Variants in AXDND1 observed in about 807,000 individuals in gnomAD.
AXDND1 encodes the protein axonemal dynein light chain domain containing 1.
In AXDND1, 110 loss-of-function variants were observed where a neutral mutation model predicts 137.5. That is an observed-to-expected ratio of 0.80 (90% confidence interval 0.69 to 0.94). The LOEUF (loss-of-function observed/expected upper bound fraction) is 0.94, where lower values mean the gene tolerates loss of function less well. Among genes scored for constraint, AXDND1 ranks in the 40% least tolerant of loss-of-function variants. AXDND1 has a pLI of 0.00. For missense variants in AXDND1, 1,191 were observed against 1,169.8 expected (o/e 1.02, Z -0.26); for synonymous variants, 414 against 399.7 (o/e 1.04, Z -0.43).
At chr1:179,447,905 T>G (rs752052416) in intron 16 of AXDND1, 1 of 1,365,988 alleles carries the variant, frequency 7.3e-7, no homozygotes, top group Non-Finnish European at 1.0e-6. Flanking sequence ...CTATGTAATA[T>G]GGTTTGAGGT....
intron 25 of AXDND1, chr1:179,552,207 G>A: frequency 3.9e-6 from 1 of 256,200 alleles, no homozygotes; most frequent in Non-Finnish European, 7.7e-6. Flanking sequence ...CCTGATCGTG[G>A]TTGTCCCTCT....
chr1:179,474,251 GT>G (rs894011635), intron 17 of AXDND1, among the ~76,000 whole-genome samples: 1 of 151,792 alleles, frequency 6.6e-6, no homozygotes, highest in Admixed American at 6.6e-5. Flanking sequence ...GTCTTGGGTA[GT>G]TTTTTTATAG....
At chr1:179,504,695 G>A (rs866828372) in intron 20 of AXDND1, among the ~76,000 whole-genome samples, 16 of 152,088 alleles carry the variant, frequency 1.1e-4, no homozygotes, top group Middle Eastern at 6.8e-3. Flanking sequence ...CTGACTGGAT[G>A]CCCATAACCT....
At position 179,491,541 on chromosome 1, in the gene AXDND1, G is replaced by A. The variant is rs778716593; in HGVS notation, c.2095G>A (p.Asp699Asn). 2 of 1,588,500 alleles carry A rather than the reference G, an allele frequency of 1.3e-6. No individual in the cohort carries two copies. Among genetic ancestry groups the A allele is most frequent in the Middle Eastern group, 1.7e-4 (1 of 6,034 alleles). ...NGNIELQHHM[D>N]ELHISMIQWM... ...TATTATACTCATTTTTTAACAGATG[G>A]ATGAGTTACATATATCTATGATCCA... Residue 699 changes from aspartate (D) to asparagine (N), a missense_variant, in exon 19 of 26, where the codon GAT becomes AAT. By Grantham distance (23) the Asp-to-Asn change is conservative. Coordinates refer to ENST00000367618, the MANE Select transcript of AXDND1 (RefSeq NM_144696.6).
intron 12 of AXDND1, among the ~76,000 whole-genome samples, chr1:179,412,403 G>A (rs944881881): frequency 2.6e-5 from 4 of 152,088 alleles, no homozygotes; most frequent in Admixed American, 6.5e-5. Context: ...AGGTCACAGC[G>A]TTCTCCATGG....
intron 11 of AXDND1, among the ~76,000 whole-genome samples, chr1:179,407,512 AC>A (rs762278764): frequency 9.9e-5 from 15 of 152,174 alleles, no homozygotes; most frequent in Non-Finnish European, 2.1e-4. Flanking sequence ...GGCGTGAAAC[AC>A]TGTGCCTGGC....
At chr1:179,402,835 C>T (rs1652315074) in intron 11 of AXDND1, among the ~76,000 whole-genome samples, 1 of 152,178 alleles carries the variant, frequency 6.6e-6, no homozygotes. Context: ...GTGTCTCATC[C>T]TTACCATGCC....
chr1:179,370,014 C>T lies in AXDND1; in HGVS notation c.310C>T (p.Pro104Ser). 6.2e-7 allele frequency: 1 copy of T among 1,614,036 alleles called. No homozygotes were observed. Among genetic ancestry groups the T allele is most frequent in the Non-Finnish European group, 8.5e-7 (1 of 1,179,964 alleles). Residue 104 changes from proline to serine, a missense_variant, in exon 4 of 26, where the codon CCT (proline) becomes TCT (serine). Transcript: ENST00000367618. ...PRLVDHVWHHPVRRNKFKYLI... is the reference protein window; with the variant it reads ...PRLVDHVWHHSVRRNKFKYLI... ...CCTTGTAGACCATGTCTGGCATCAC[C>T]CTGTTCGAAGGAATAAATTCAAATA...
intron 21 of AXDND1, among the ~76,000 whole-genome samples, chr1:179,514,581 A>G (rs556858211): frequency 1.3e-5 from 2 of 152,178 alleles, no homozygotes; most frequent in Non-Finnish European, 2.9e-5. Context: ...TGCTAAGTCC[A>G]TTTGTTCCAA....
chr1:179,548,344 G>A (rs541810683), intron 25 of AXDND1, among the ~76,000 whole-genome samples: 35 of 152,258 alleles, frequency 2.3e-4, no homozygotes, highest in Non-Finnish European at 3.8e-4. Flanking sequence ...CTGTGAGGTG[G>A]ATCCTACTTT....
At chr1:179,551,274 A>G in intron 25 of AXDND1, 1 of 1,614,106 alleles carries the variant, frequency 6.2e-7, no homozygotes, top group Admixed American at 1.7e-5. Flanking sequence ...CTGGGAGAAG[A>G]CAGGCAATTC....
intron 12 of AXDND1, among the ~76,000 whole-genome samples, chr1:179,412,283 C>T (rs1048648285): frequency 6.6e-6 from 1 of 152,100 alleles, no homozygotes; most frequent in African/African-American, 2.4e-5. Flanking sequence ...AAAATATTTA[C>T]TTGTTGGTTG....
intron 15 of AXDND1, among the ~76,000 whole-genome samples, chr1:179,441,641 A>G (rs1396898559): frequency 1.3e-5 from 2 of 152,198 alleles, no homozygotes; most frequent in African/African-American, 2.4e-5. Context: ...TGACACTTAC[A>G]TGTATGTAAA....
chr1:179,468,019 C>T (rs1281228408), intron 16 of AXDND1, among the ~76,000 whole-genome samples: 1 of 152,130 alleles, frequency 6.6e-6, no homozygotes, highest in East Asian at 1.9e-4. Context: ...TAAAAAATGA[C>T]TCAAGAACTA....
chr1:179,445,600 T>A (rs1659627981), intron 16 of AXDND1, among the ~76,000 whole-genome samples: 1 of 152,286 alleles, frequency 6.6e-6, no homozygotes, highest in Middle Eastern at 3.4e-3. Flanking sequence ...TGTGAATGAA[T>A]TCATGTTCTG....
intron 11 of AXDND1, among the ~76,000 whole-genome samples, chr1:179,407,418 G>T (rs537639526): frequency 1.8e-4 from 28 of 152,072 alleles, no homozygotes; most frequent in African/African-American, 6.8e-4. Context: ...GTAGAGACGA[G>T]GTTTCACCAT....
chr1:179,378,714 C>T lies in AXDND1; in HGVS notation c.452C>T (p.Ala151Val). 1 of 1,594,552 alleles carries T rather than the reference C, an allele frequency of 6.3e-7. No homozygotes were observed. The highest frequency in any genetic ancestry group is 8.6e-7 in the Non-Finnish European group (1 of 1,169,018). Residue 151 changes from alanine to valine, a missense_variant, in exon 5 of 26, where the codon GCC (alanine) becomes GTC (valine). By Grantham distance (64) the Ala-to-Val change is moderately conservative. Coordinates refer to ENST00000367618, the MANE Select transcript of AXDND1 (RefSeq NM_144696.6). ...AAGGCAGTTTGTCCCCCACATTTGG[C>T]CCGTTCATTACAGTCACATGATGGT... is the stretch of plus-strand genomic sequence containing the variant. ...REKAVCPPHL[A>V]RSLQSHDGVI...
chr1:179,485,017 C>A (rs1182667479), intron 18 of AXDND1, among the ~76,000 whole-genome samples: 1 of 152,226 alleles, frequency 6.6e-6, no homozygotes, highest in African/African-American at 2.4e-5. Flanking sequence ...CCACTGCTGC[C>A]TGTGCGAGTA....
intron 7 of AXDND1, 44 bp from the exon 8 acceptor site, chr1:179,383,398 T>C (rs1263727034): frequency 2.1e-5 from 30 of 1,413,582 alleles, no homozygotes; most frequent in African/African-American, 2.9e-5. Context: ...GAGAATTCCC[T>C]GTTGCAATGT....
Sources: allele counts gnomAD v4.1 joint callset (sites outside exome capture counted in the v4.1 genomes callset), GRCh38; gene constraint gnomAD v4.1.1; transcripts MANE v1.5; gene names NCBI Gene and HGNC (gene_info 2026-07-23, HGNC 2026-07-21).